Variants in DMKN observed in about 807,000 individuals in gnomAD.
The protein encoded by DMKN is dermokine, also known as epidermis-specific secreted protein SK30/SK89.
In DMKN, 58 loss-of-function variants were observed where a neutral mutation model predicts 67.6. The observed-to-expected ratio is 0.86, with a 90% CI of 0.69 to 1.07. The LOEUF (loss-of-function observed/expected upper bound fraction) is 1.07. Among genes scored for constraint, DMKN ranks in the 50% least tolerant of loss-of-function variants. The probability of loss-of-function intolerance (pLI) is 0.00; values close to 1 mark genes in which losing one functional copy is unlikely to be tolerated. For missense variants in DMKN, 596 were observed against 601.5 expected, an observed-to-expected ratio of 0.99 and a Z score of 0.10; for synonymous variants, 240 against 232.3, an observed-to-expected ratio of 1.03 and a Z score of -0.30.
intron 11 of DMKN, among the ~76,000 whole-genome samples, chr19:35,501,121 C>CG (rs2068283214): frequency 6.6e-6 from 1 of 152,166 alleles, no homozygotes; most frequent in African/African-American, 2.4e-5. Flanking sequence ...GGACACCCCC[C>CG]CCAGCCCCAG....
intron 7 of DMKN, chr19:35,509,527 G>A (rs2070315467): frequency 5.8e-6 from 1 of 171,382 alleles, no homozygotes; most frequent in Admixed American, 5.8e-5. Flanking sequence ...CACAGGTGCT[G>A]ACATAAAGCC....
At chr19:35,512,332 C>A in intron 3 of DMKN, 89 bp downstream of exon 3, 2 of 1,528,432 alleles carry the variant, frequency 1.3e-6, no homozygotes, top group Non-Finnish European at 1.8e-6. Flanking sequence ...CCTCCACTCC[C>A]CCATCTTGCT....
At position 35,510,224 on chromosome 19, in the gene DMKN, T is replaced by G. The variant is rs912692234; in HGVS notation, c.947A>C (p.Asn316Thr). ...ATTTCCTCCGCCGCTCCCACCGTGG[T>G]TGCCGGAGGAGGAGCCGGTGCTGGA... is the stretch of plus-strand genomic sequence containing the variant. Reference protein sequence around the residue: ...WGSSTGSSSGNHGGSGGGNGH... With the variant: ...WGSSTGSSSGTHGGSGGGNGH... The change falls in exon 6 of 16, where the codon AAC becomes ACC. Residue 316 changes from asparagine (N) to threonine (T), a missense_variant. Asn to Thr is a moderately conservative substitution (Grantham distance 65). Transcript: ENST00000339686. 9.9e-6 allele frequency: 16 copies of G among 1,608,686 alleles called. No individual in the cohort carries two copies. The highest frequency in any genetic ancestry group is 1.4e-5 in the Non-Finnish European group (16 of 1,177,784).
At chr19:35,511,993 C>CTTTTTT (rs11285451) in intron 3 of DMKN, among the ~76,000 whole-genome samples, 180 bp from the exon 4 acceptor site, 3 of 113,066 alleles carry the variant, frequency 2.7e-5, no homozygotes, top group African/African-American at 3.8e-5. Flanking sequence ...TCTCTTCCTC[C>CTTTTTT]TTTTTTTTTT....
intron 1 of DMKN, 98 bp downstream of exon 1, chr19:35,512,952 A>G: frequency 6.4e-7 from 1 of 1,558,490 alleles, no homozygotes. Flanking sequence ...AGAAGCCTGC[A>G]AGTAAGAGAT....
intron 13 of DMKN, chr19:35,499,204 G>A (rs1402701832): frequency 1.4e-5 from 6 of 442,796 alleles, no homozygotes; most frequent in East Asian, 4.5e-5. Context: ...CAGATAACCC[G>A]GCAGAGTGGA....
intron 11 of DMKN, chr19:35,501,769 C>A: frequency 1.3e-6 from 2 of 1,497,808 alleles, no homozygotes; most frequent in Non-Finnish European, 1.8e-6. Context: ...CAGCCTAGGC[C>A]CCTTCTTCCC....
chr19:35,503,386 G>A (rs1026099082), intron 9 of DMKN: 7 of 1,551,366 alleles, frequency 4.5e-6, no homozygotes, highest in Non-Finnish European at 6.1e-6. Context: ...GAGTGTGGGG[G>A]CTCCCATCCA....
rs768004004 is a variant in DMKN, at chr19:35,513,197, A to G, written c.279T>C (p.Asp93=). 2.5e-6 allele frequency: 4 copies of G among 1,614,096 alleles called. No individual in the cohort carries two copies. The African/African-American group carries it at 4.0e-5, about 16-fold the overall frequency. Residue 93 remains aspartate, a synonymous_variant, in exon 1 of 16, where the codon GAT becomes GAC. Transcript: ENST00000339686. ...CTTCCCCGACCCTGTTGCCCAAAGC[A>G]TCTGCTACGCCAAAGCCTGGAACCT... is the stretch of plus-strand genomic sequence containing the variant. The part of the protein sequence containing the change: ...VRQVPGFGVA[D]ALGNRVGEAA...
chr19:35,509,090 T>G (rs1297065122), intron 7 of DMKN, among the ~76,000 whole-genome samples: 1 of 151,910 alleles, frequency 6.6e-6, no homozygotes, highest in Non-Finnish European at 1.5e-5. Context: ...AGGTGGTGGC[T>G]GGCGTCTGTA....
At chr19:35,506,034 G>A in intron 7 of DMKN, 48 bp from the exon 8 acceptor site, 1 of 1,613,808 alleles carries the variant, frequency 6.2e-7, no homozygotes. Context: ...CACTTTGTGA[G>A]CCAGAGTCGG....
At chr19:35,506,086 C>T (rs777477527) in intron 7 of DMKN, 100 bp from the exon 8 acceptor site, 50 of 1,605,216 alleles carry the variant, frequency 3.1e-5, no homozygotes, top group Non-Finnish European at 1.7e-5. Flanking sequence ...TTGTGTGACA[C>T]CATGGTCCCA....
Position 35,511,729 on chromosome 19 carries a change from GTGCACAACTCCTGGGT to G in DMKN, c.735+18_735+33del, listed in dbSNP as rs1351393039. On this transcript the variant is annotated intron_variant, in intron 4 of 15. Transcript: ENST00000339686. ...AGCAGAACTTCTCCATTTCCTCCTGGTGCACAACTCCTGGGTTGCCCCTCTCCACTCACCCCAGAGT... is the reference window on the plus strand; with the variant it reads ...AGCAGAACTTCTCCATTTCCTCCTGGTGCCCCTCTCCACTCACCCCAGAGT... 1 of 1,605,338 alleles carries G rather than the reference GTGCACAACTCCTGGGT, an allele frequency of 6.2e-7. No homozygotes were observed. The highest frequency in any genetic ancestry group is 8.5e-7 in the Non-Finnish European group (1 of 1,174,462).
intron 11 of DMKN, among the ~76,000 whole-genome samples, chr19:35,501,566 A>G (rs1033857784): frequency 3.3e-5 from 5 of 152,176 alleles, no homozygotes; most frequent in African/African-American, 1.2e-4. Context: ...CCTTTGTCTC[A>G]GTGCCCACGG....
intron 14 of DMKN, 49 bp from the exon 15 acceptor site, chr19:35,498,812 T>C (rs375476987): frequency 4.5e-5 from 72 of 1,614,004 alleles, no homozygotes; most frequent in Non-Finnish European, 5.9e-5. Context: ...GTCCCTTCCA[T>C]ACCCTCTGGC....
rs755053249 is a variant in DMKN, at chr19:35,512,736, C to T, written c.481G>A (p.Gly161Ser). 1 of 1,614,142 alleles carries T rather than the reference C, an allele frequency of 6.2e-7. No homozygotes were observed. ...FGSQGGLGGQ[G>S]QGNPGGLGTP... ...CCCAGACCTCCAGGATTGCCCTGGC[C>T]CTGGCCTCCAAGGCCACCTTGAGAG... The change falls in exon 2 of 16, where the codon GGC (glycine) becomes AGC (serine). Residue 161 changes from glycine (G) to serine (S), a missense_variant. Coordinates refer to ENST00000339686, the MANE Select transcript of DMKN (RefSeq NM_033317.5).
At chr19:35,509,114 G>A (rs975142141) in intron 7 of DMKN, among the ~76,000 whole-genome samples, 32 of 151,996 alleles carry the variant, frequency 2.1e-4, no homozygotes, top group African/African-American at 7.7e-4. Flanking sequence ...CCAGCTACTC[G>A]GGAGGCTGAG....
At position 35,513,446 on chromosome 19, in the gene DMKN, G is replaced by A. The variant is rs199781248; in HGVS notation, c.30C>T (p.Leu10=). 2.5e-6 allele frequency: 4 copies of A among 1,601,118 alleles called. No individual in the cohort carries two copies. The highest frequency in any genetic ancestry group is 1.1e-5 in the South Asian group (1 of 91,038). MKFQGPLAC[L]LLALCLGSGE... The stretch of plus-strand genomic sequence containing the variant: ...CACTGCCCAGGCAGAGGGCCAGCAG[G>A]AGGCAGGCCAGGGGCCCCTGGAACT... The change falls in exon 1 of 16, where the codon CTC becomes CTT. Residue 10 remains leucine (L), a synonymous_variant. Coordinates refer to ENST00000339686, the MANE Select transcript of DMKN (RefSeq NM_033317.5).
At chr19:35,512,340 GCTTTCCTCTTTGT>G (rs1251769233) in intron 3 of DMKN, 68 bp downstream of exon 3, 1 of 1,549,176 alleles carries the variant, frequency 6.5e-7, no homozygotes, top group Non-Finnish European at 8.7e-7. Context: ...CCCCCATCTT[GCTTTCCTCTTTGT>G]CTTTCCCCAG....
Sources: allele counts gnomAD v4.1 joint callset (sites outside exome capture counted in the v4.1 genomes callset), GRCh38; gene constraint gnomAD v4.1.1; transcripts MANE v1.5; gene names NCBI Gene and HGNC (gene_info 2026-07-23, HGNC 2026-07-21).